The following SDK1 variants were observed in gnomAD, a reference collection of about 807,000 sequenced individuals.
SDK1 encodes the protein protein sidekick-1.
A neutral mutation model predicts 245.5 loss-of-function variants in SDK1; 157 were observed. The ratio of observed to expected loss-of-function variants is 0.64; its 90% CI spans 0.56 to 0.73. The LOEUF (loss-of-function observed/expected upper bound fraction) is 0.73. Ranked by LOEUF, SDK1 falls within the 30% of genes least tolerant of loss-of-function variation. The pLI is 0.00. For synonymous variants in SDK1, 1,647 were observed against 1,278.5 expected (o/e 1.29, Z -6.15); for missense variants, 3,583 against 3,002.3 (o/e 1.19, Z -4.52).
intron 5 of SDK1, among the ~76,000 whole-genome samples, chr7:3,890,117 C>T (rs116921900): frequency 2.0e-4 from 31 of 152,346 alleles, no homozygotes; most frequent in Non-Finnish European, 4.1e-4. Context: ...ATGGCCCTAG[C>T]TCAGAGTCCT....
chr7:3,859,964 G>A (rs968401392), intron 5 of SDK1, among the ~76,000 whole-genome samples: 56 of 151,388 alleles, frequency 3.7e-4, no homozygotes, highest in Non-Finnish European at 7.4e-5. Context: ...CTGTCGCCCA[G>A]GCTAGAGTGC....
At chr7:4,172,840 T>A (rs1003835852) in intron 32 of SDK1, among the ~76,000 whole-genome samples, 2 of 152,204 alleles carry the variant, frequency 1.3e-5, no homozygotes, top group African/African-American at 2.4e-5. Flanking sequence ...GTTCCCCCTG[T>A]GTGTCCTGTG....
chr7:4,074,795 C>T (rs2128176108), intron 20 of SDK1, among the ~76,000 whole-genome samples: 1 of 146,596 alleles, frequency 6.8e-6, no homozygotes, highest in African/African-American at 2.6e-5. Flanking sequence ...TTGAGTGGTT[C>T]AAGGTTGCAG....
intron 1 of SDK1, among the ~76,000 whole-genome samples, chr7:3,403,824 C>CATATATATATAT (rs10650660): frequency 8.2e-5 from 5 of 60,750 alleles, no homozygotes; most frequent in Non-Finnish European, 1.8e-4. Flanking sequence ...AAATATCTTA[C>CATATATATATAT]ATATATATAT....
intron 4 of SDK1, among the ~76,000 whole-genome samples, chr7:3,691,957 C>T (rs950401303): frequency 4.6e-5 from 7 of 152,166 alleles, no homozygotes; most frequent in South Asian, 2.1e-4. Context: ...ACTCCCCTCC[C>T]GCTGGGTCTT....
chr7:3,450,586 A>G (rs1402660721), intron 1 of SDK1, among the ~76,000 whole-genome samples: 6 of 152,074 alleles, frequency 3.9e-5, no homozygotes, highest in Non-Finnish European at 7.4e-5. Flanking sequence ...CGAGGGGAGG[A>G]ATGAGTTTGG....
intron 5 of SDK1, among the ~76,000 whole-genome samples, chr7:3,941,454 C>G (rs1450523560): frequency 6.6e-6 from 1 of 152,160 alleles, no homozygotes; most frequent in Non-Finnish European, 1.5e-5. Flanking sequence ...TGGCCACGCC[C>G]ATGCCCCCCC....
At chr7:3,734,275 TG>T (rs906610623) in intron 4 of SDK1, among the ~76,000 whole-genome samples, 3 of 152,224 alleles carry the variant, frequency 2.0e-5, no homozygotes, top group Non-Finnish European at 4.4e-5. Context: ...ATTGGTGTTC[TG>T]GAAGAAATGG....
intron 5 of SDK1, among the ~76,000 whole-genome samples, chr7:3,910,193 T>A (rs962041934): frequency 4.6e-5 from 7 of 152,160 alleles, no homozygotes; most frequent in Admixed American, 6.5e-5. Context: ...GTGCCTCTGT[T>A]CTCTCTGTAG....
chr7:3,447,049 C>T (rs549725522), intron 1 of SDK1, among the ~76,000 whole-genome samples: 11 of 152,054 alleles, frequency 7.2e-5, no homozygotes, highest in South Asian at 2.1e-4. Flanking sequence ...TGCAAGGGAC[C>T]GATTATAGAG....
chr7:3,455,768 C>T (rs1437380298), intron 1 of SDK1, among the ~76,000 whole-genome samples: 3 of 152,010 alleles, frequency 2.0e-5, no homozygotes, highest in Non-Finnish European at 4.4e-5. Flanking sequence ...AGGTTCTTTG[C>T]CTTTTCATAT....
intron 1 of SDK1, among the ~76,000 whole-genome samples, chr7:3,460,265 A>G (rs182278904): frequency 5.9e-5 from 9 of 152,258 alleles, no homozygotes; most frequent in Admixed American, 3.9e-4. Flanking sequence ...GTATTCTGGG[A>G]TGATTGATTA....
chr7:3,369,451 A>G (rs1781169616), intron 1 of SDK1, among the ~76,000 whole-genome samples: 1 of 152,216 alleles, frequency 6.6e-6, no homozygotes, highest in Non-Finnish European at 1.5e-5. Context: ...TACAGCCTGC[A>G]AAACAAAATA....
At chr7:4,031,739 G>A (rs1460825572) in intron 17 of SDK1, among the ~76,000 whole-genome samples, 1 of 151,700 alleles carries the variant, frequency 6.6e-6, no homozygotes. Flanking sequence ...AAATATACTG[G>A]ACTTAATTAG....
intron 35 of SDK1, among the ~76,000 whole-genome samples, chr7:4,196,237 C>T (rs922361972): frequency 2.7e-4 from 41 of 152,112 alleles, no homozygotes; most frequent in African/African-American, 5.3e-4. Flanking sequence ...CCAACAGGTC[C>T]GCCTCTGTCA....
At chr7:3,483,893 T>C (rs570917085) in intron 1 of SDK1, among the ~76,000 whole-genome samples, 19 of 152,328 alleles carry the variant, frequency 1.2e-4, no homozygotes, top group African/African-American at 4.1e-4. Context: ...ATGGCCATAA[T>C]ACTTGTCTAA....
chr7:3,988,875 G>T lies in SDK1; in HGVS notation c.2131+1553G>T, dbSNP rs574001474. 5.3e-5 allele frequency among the ~76,000 whole-genome samples: 8 copies of T among 152,210 alleles called. No homozygotes were observed. The South Asian group carries it at 6.2e-4, about 12-fold the overall frequency. On this transcript the variant is annotated intron_variant, in intron 14 of 44. Transcript: ENST00000404826. ...CAACCTCTGCCTCCTGGGTTCAAGC[G>T]ATTCTTCTGCCTCAGCCTCCCGAGT...
At chr7:3,511,147 C>T (rs537199743) in intron 1 of SDK1, among the ~76,000 whole-genome samples, 2 of 152,230 alleles carry the variant, frequency 1.3e-5, no homozygotes, top group East Asian at 1.9e-4. Flanking sequence ...GAACCAAGGA[C>T]GACTCCATGT....
intron 4 of SDK1, among the ~76,000 whole-genome samples, chr7:3,787,156 A>ACG (rs1780927362): frequency 6.6e-6 from 1 of 150,480 alleles, no homozygotes; most frequent in Non-Finnish European, 1.5e-5. Context: ...TCACACACAC[A>ACG]CACACACACA....
Sources: allele counts gnomAD v4.1 joint callset (sites outside exome capture counted in the v4.1 genomes callset), GRCh38; gene constraint gnomAD v4.1.1; transcripts MANE v1.5; gene names NCBI Gene and HGNC (gene_info 2026-07-23, HGNC 2026-07-21).